The following NOS2 variants were observed in gnomAD, a reference collection of about 807,000 sequenced individuals.
The protein encoded by NOS2 is nitric oxide synthase, inducible.
In NOS2, 96 loss-of-function variants were observed where a neutral mutation model predicts 136.0. That is an observed-to-expected ratio of 0.71 (90% CI 0.60 to 0.84). The LOEUF (loss-of-function observed/expected upper bound fraction) is 0.84, where lower values mean the gene tolerates loss of function less well. NOS2 is among the 40% of genes least tolerant of loss of function. NOS2 has a pLI of 0.00. For missense variants in NOS2, 1,237 were observed against 1,496.9 expected, an observed-to-expected ratio of 0.83 and a Z score of 2.87; for synonymous variants, 539 against 587.5, an observed-to-expected ratio of 0.92 and a Z score of 1.20.
chr17:27,780,686 G>A (rs1271437534), intron 9 of NOS2, 81 bp downstream of exon 9: 1 of 1,587,070 alleles, frequency 6.3e-7, no homozygotes, highest in African/African-American at 1.3e-5. Flanking sequence ...GAAGGTATGG[G>A]GAAGGCTGGA....
chr17:27,779,042 C>G lies in NOS2; in HGVS notation c.1019G>C (p.Arg340Pro). Residue 340 changes from arginine to proline, a missense_variant, in exon 10 of 27, where the codon CGG becomes CCG. By Grantham distance (103) the Arg-to-Pro change is moderately radical (BLOSUM62 -2). This residue lies in a region of NOS2 where 440 missense variants were observed against 545.4 expected (regional missense o/e 0.81). Transcript: ENST00000313735. ...GGCGTACCACTTTAGCTCCAGTTCC[C>G]GAAACCACTCGTATCTGGCAAAAAG... is the stretch of plus-strand genomic sequence containing the variant. ...AMEHPKYEWF[R>P]ELELKWYALP... 6.5e-7 allele frequency: 1 copy of G among 1,529,874 alleles called. No individual in the cohort carries two copies. Among genetic ancestry groups the G allele is most frequent in the Non-Finnish European group, 8.8e-7 (1 of 1,135,250 alleles). 94.8% of individuals were successfully genotyped at this position (1,529,874 alleles called of 1,614,324 possible). A position where few individuals can be genotyped will look rare whatever the true frequency, so the allele number is the denominator to read the frequency against.
At position 27,761,174 on chromosome 17, in the gene NOS2, G is replaced by C. The variant is rs543081994; in HGVS notation, c.2858C>G (p.Pro953Arg). 3.1e-6 allele frequency: 5 copies of C among 1,608,894 alleles called. No individual in the cohort carries two copies. The Admixed American group carries it at 6.7e-5, about 22-fold the overall frequency. Residue 953 changes from proline (P) to arginine (R), a missense_variant, in exon 23 of 27, where the codon CCC becomes CGC. Physicochemically the swap from Pro to Arg is moderately radical, Grantham distance 103. Transcript: ENST00000313735. ...CACAAAGCAGGGCACTGGGTCTTGG[G>C]GCTTCAGGCTGTTGAGCCATGTGCT... The part of the protein sequence containing the change: ...VCSTWLNSLK[P>R]QDPVPCFVRN...
At position 27,768,959 on chromosome 17, in the gene NOS2, C is replaced by G. The variant is rs1908398310; in HGVS notation, c.2034+18G>C. 6.3e-7 allele frequency: 1 copy of G among 1,580,346 alleles called. No homozygotes were observed. The highest frequency in any genetic ancestry group is 8.6e-7 in the Non-Finnish European group (1 of 1,162,728). ...CTGTCATGTCCCTGCTGTGGGGCAG[C>G]TCTGGCTGGGAACTGACCTTGAAGG... On this transcript the variant is annotated intron_variant, in intron 17 of 26. Coordinates refer to ENST00000313735, the MANE Select transcript of NOS2 (RefSeq NM_000625.4).
In NOS2 at chr17:27,756,982, A is replaced by T. The variant is rs1375438441; in HGVS notation, c.*264T>A. 1 of 415,714 alleles carries T rather than the reference A, an allele frequency of 2.4e-6. No individual in the cohort carries two copies. Among genetic ancestry groups the T allele is most frequent in the Non-Finnish European group, 4.2e-6 (1 of 237,174 alleles). The allele number at this position is 415,714 out of a possible 1,614,324, so 25.8% of individuals were successfully genotyped here. On this transcript the variant is annotated 3_prime_UTR_variant, in exon 27 of 27. Coordinates refer to ENST00000313735, the MANE Select transcript of NOS2 (RefSeq NM_000625.4). ...CAGCAGCAAGTTCCATCTTTCACCC[A>T]CTTGCCAGGCCTGGCATTTAAGATT...
intron 22 of NOS2, 66 bp downstream of exon 22, chr17:27,762,732 G>C: frequency 8.4e-7 from 1 of 1,187,880 alleles, no homozygotes; most frequent in Non-Finnish European, 1.2e-6. Flanking sequence ...CTGAATCTGA[G>C]TTGATGAACA....
chr17:27,784,826 GGA>G (rs1316381112), intron 5 of NOS2, among the ~76,000 whole-genome samples: 5 of 152,204 alleles, frequency 3.3e-5, no homozygotes, highest in African/African-American at 1.2e-4. Context: ...GTCCCTGTGA[GGA>G]GAGGCTGCCA....
chr17:27,769,297 TC>T, intron 16 of NOS2, 146 bp from the exon 17 acceptor site: 2 of 868,526 alleles, frequency 2.3e-6, no homozygotes, highest in Non-Finnish European at 3.5e-6. Flanking sequence ...GTCCTCTCCA[TC>T]CCCCAGCCTT....
Position 27,769,385 on chromosome 17 carries a change from C to T in NOS2, c.1859+150G>A, listed in dbSNP as rs540889330. ...GACTTGGTTTCTGTGGTTTGACCCT[C>T]GACACATTCTGAGTACAGACCTTAG... is the stretch of plus-strand genomic sequence containing the variant. On this transcript the variant is annotated intron_variant, in intron 16 of 26. Coordinates refer to ENST00000313735, the MANE Select transcript of NOS2 (RefSeq NM_000625.4). 1.8e-5 allele frequency: 14 copies of T among 763,274 alleles called. No homozygotes were observed. In the Admixed American group the frequency reaches 2.9e-4, roughly 16 times the overall value. 47.3% of individuals were successfully genotyped at this position (763,274 alleles called of 1,614,324 possible). A position where few individuals can be genotyped will look rare whatever the true frequency, so the allele number is the denominator to read the frequency against.
chr17:27,781,497 A>G (rs913688553), intron 7 of NOS2, among the ~76,000 whole-genome samples: 2 of 152,210 alleles, frequency 1.3e-5, no homozygotes, highest in Non-Finnish European at 2.9e-5. Context: ...CAGCTGGAGC[A>G]GCATCTTAGG....
At chr17:27,773,311 A>T (rs1238125581) in intron 12 of NOS2, 68 bp from the exon 13 acceptor site, 3 of 1,092,352 alleles carry the variant, frequency 2.7e-6, no homozygotes, top group Non-Finnish European at 4.2e-6. Context: ...CGGATGCTGG[A>T]GTGGTAGAGG....
intron 7 of NOS2, 53 bp downstream of exon 7, chr17:27,781,962 A>T: frequency 1.3e-6 from 2 of 1,510,330 alleles, no homozygotes; most frequent in South Asian, 1.1e-5. Context: ...TCTTTTGGCT[A>T]AGATTCTCAG....
In NOS2 at chr17:27,778,903, G is replaced by A; in HGVS notation, c.1158C>T (p.Val386=). 6.2e-7 allele frequency: 1 copy of A among 1,608,246 alleles called. No homozygotes were observed. The highest frequency in any genetic ancestry group is 2.2e-5 in the East Asian group (1 of 44,714). The change falls in exon 10 of 27, where the codon GTC becomes GTT. Residue 386 remains valine (V), a synonymous_variant. Transcript: ENST00000313735. The stretch of plus-strand genomic sequence containing the variant: ...TTACCTCCAGGATGTTGTAGCGCTG[G>A]ACGTCACAGAAGTCCCGGACTCCGA... ...TEIGVRDFCD[V]QRYNILEEVG... is the part of the protein sequence containing the mutation.
chr17:27,780,920 C>A lies in NOS2; in HGVS notation c.865-14G>T. 1 of 1,608,270 alleles carries A rather than the reference C, an allele frequency of 6.2e-7. No homozygotes were observed. Among genetic ancestry groups the A allele is most frequent in the Non-Finnish European group, 8.5e-7 (1 of 1,176,954 alleles). ...GTCGATGCACAGCTGGGGAACAAGA[C>A]GGGCCCTGTGAGTCTGTAAGCCCGG... On this transcript the variant is annotated splice_polypyrimidine_tract_variant and intron_variant, in intron 8 of 26. Transcript: ENST00000313735.
intron 2 of NOS2, among the ~76,000 whole-genome samples, chr17:27,794,269 T>A (rs1274005277): frequency 6.6e-6 from 1 of 152,198 alleles, no homozygotes; most frequent in East Asian, 1.9e-4. Flanking sequence ...TACAGCATGT[T>A]CTGTGCGATT....
intron 12 of NOS2, 94 bp from the exon 13 acceptor site, chr17:27,773,337 C>G: frequency 1.2e-6 from 1 of 840,128 alleles, no homozygotes; most frequent in Non-Finnish European, 2.0e-6. Flanking sequence ...TCACACCCAT[C>G]ATGAGCCTGG....
rs1225806446 is a variant in NOS2 at position 27,766,573 on chromosome 17, T to G, written c.2183A>C (p.His728Pro). The G allele has an allele frequency of 1.2e-6, 2 of 1,614,016 alleles. No individual in the cohort carries two copies. The highest frequency in any genetic ancestry group is 2.2e-5 in the East Asian group (1 of 44,896). The change falls in exon 19 of 27, where the codon CAT (histidine) becomes CCT (proline). Residue 728 changes from histidine (H) to proline (P), a missense_variant. His to Pro is a moderately conservative substitution (Grantham distance 77). This residue lies in a region of NOS2 where 782 missense variants were observed against 909.9 expected (regional missense o/e 0.86). Coordinates refer to ENST00000313735, the MANE Select transcript of NOS2 (RefSeq NM_000625.4). ...CCTCATGGTGAACACGTTCTTGGCA[T>G]GCATGCTGCTGAGGGCTGTGGAGGA... ...LDLSKALSSM[H>P]AKNVFTMRLK... is the part of the protein sequence containing the mutation.
chr17:27,764,699 C>T (rs1180294610), intron 20 of NOS2, among the ~76,000 whole-genome samples: 1 of 152,256 alleles, frequency 6.6e-6, no homozygotes, highest in Non-Finnish European at 1.5e-5. Flanking sequence ...GCTTCCCTCC[C>T]TGTGAAACAG....
intron 1 of NOS2, among the ~76,000 whole-genome samples, chr17:27,799,196 G>C (rs888492961): frequency 2.0e-5 from 3 of 152,186 alleles, no homozygotes; most frequent in Non-Finnish European, 2.9e-5. Context: ...ACCCAGCCAG[G>C]CTTCATCACT....
At position 27,760,175 on chromosome 17, in the gene NOS2, A is replaced by G. The variant is rs752276812; in HGVS notation, c.3014T>C (p.Val1005Ala). The G allele has an allele frequency of 1.3e-6, 2 of 1,563,240 alleles. No individual in the cohort carries two copies. Among genetic ancestry groups the G allele is most frequent in the Admixed American group, 3.9e-5 (2 of 51,824 alleles). ...QRLHDSQHKGVRGGRMTLVFG... is the reference protein window; with the variant it reads ...QRLHDSQHKGARGGRMTLVFG... ...CACCAAGGTCATGCGGCCTCCCCGC[A>G]CTCCTGCAGGAGTCCCGGGCTGTTG... is the stretch of plus-strand genomic sequence containing the variant. Residue 1005 changes from valine to alanine, a missense_variant, in exon 25 of 27, where the codon GTG (valine) becomes GCG (alanine). Coordinates refer to ENST00000313735, the MANE Select transcript of NOS2 (RefSeq NM_000625.4).
Sources: gnomAD v4.1 joint callset for allele counts (sites outside exome capture counted in the v4.1 genomes callset) on GRCh38, gnomAD v4.1.1 for gene constraint, gnomAD v4.1.1 regional missense constraint, MANE v1.5 for transcripts, NCBI Gene and HGNC (gene_info 2026-07-23, HGNC 2026-07-21) for gene names.